INPP4B: variants seen among roughly 807,000 people sequenced by gnomAD.
INPP4B encodes inositol polyphosphate-4-phosphatase type II B.
Under a neutral mutation model 122.5 loss-of-function variants are expected in INPP4B, and 55 were observed. The observed-to-expected ratio is 0.45, with a 90% CI of 0.36 to 0.56. The LOEUF is 0.56. Ranked by LOEUF, INPP4B falls within the 20% of genes least tolerant of loss-of-function variation. The pLI, the probability that INPP4B is intolerant of heterozygous loss-of-function variation, is 0.00. For missense variants in INPP4B, 1,000 were observed against 1,097.7 expected (o/e 0.91, Z 1.26); for synonymous variants, 403 against 388.7 (o/e 1.04, Z -0.43).
intron 21 of INPP4B, among the ~76,000 whole-genome samples, chr4:142,115,894 A>G (rs1473207242): frequency 1.3e-5 from 2 of 152,128 alleles, no homozygotes. Flanking sequence ...AAGACCCATC[A>G]GTGTGCTGTA....
intron 25 of INPP4B, among the ~76,000 whole-genome samples, chr4:142,041,697 T>G (rs1271935505): frequency 6.6e-6 from 1 of 152,176 alleles, no homozygotes; most frequent in African/African-American, 2.4e-5. Context: ...ACATAGACAG[T>G]GAGTACCTTG....
chr4:142,220,516 A>C (rs1045730750), intron 12 of INPP4B, among the ~76,000 whole-genome samples: 4 of 152,214 alleles, frequency 2.6e-5, no homozygotes, highest in African/African-American at 9.6e-5. Context: ...ATTCATTGAA[A>C]TAGGCACAAT....
chr4:142,172,612 A>T (rs1826142084), intron 16 of INPP4B, among the ~76,000 whole-genome samples: 1 of 151,828 alleles, frequency 6.6e-6, no homozygotes, highest in Non-Finnish European at 1.5e-5. Flanking sequence ...TTTTTCATGA[A>T]AATAGGTATG....
rs1479835700 is a variant in INPP4B at position 142,331,238 on chromosome 4, T to C, written c.373-16476A>G. ...CAAGCAATTTCTGTGGCGTAAACACTCCCACCTGGCCCATTTCCAGCTACT... is the reference window on the plus strand; with the variant it reads ...CAAGCAATTTCTGTGGCGTAAACACCCCCACCTGGCCCATTTCCAGCTACT... On this transcript the variant is annotated intron_variant, in intron 7 of 25. Transcript: ENST00000262992. 2.0e-5 allele frequency among the ~76,000 whole-genome samples: 3 copies of C among 152,232 alleles called. No individual in the cohort carries two copies. The South Asian group carries it at 6.2e-4, about 32-fold the overall frequency.
chr4:142,228,570 A>C (rs1852660885), intron 12 of INPP4B, among the ~76,000 whole-genome samples: 1 of 152,080 alleles, frequency 6.6e-6, no homozygotes. Context: ...ATGAAAATGC[A>C]CTAAATGACA....
At chr4:142,283,704 A>C (rs1451211230) in intron 9 of INPP4B, among the ~76,000 whole-genome samples, 1 of 152,272 alleles carries the variant, frequency 6.6e-6, no homozygotes, top group Non-Finnish European at 1.5e-5. Context: ...ATCTTATGGA[A>C]CCACCATTGG....
chr4:142,179,853 C>T (rs4956318), intron 15 of INPP4B, among the ~76,000 whole-genome samples: 15,161 of 152,082 alleles, frequency 0.1, 1,110 homozygotes, highest in African/African-American at 0.2. Flanking sequence ...GCTTTGATTT[C>T]GTTTGCCACC....
At chr4:142,789,754 A>G (rs992449688) in intron 1 of INPP4B, among the ~76,000 whole-genome samples, 3 of 152,108 alleles carry the variant, frequency 2.0e-5, no homozygotes, top group African/African-American at 7.2e-5. Context: ...ATTCACATGG[A>G]ACCAAAAAAG....
At chr4:142,210,862 A>T (rs1228595703) in intron 12 of INPP4B, among the ~76,000 whole-genome samples, 1 of 152,208 alleles carries the variant, frequency 6.6e-6, no homozygotes, top group African/African-American at 2.4e-5. Flanking sequence ...CCCTGACCAC[A>T]TTCTGGGATA....
At chr4:142,286,810 A>C (rs1753911514) in intron 9 of INPP4B, 1 of 152,214 alleles carries the variant, frequency 6.6e-6, no homozygotes, top group Non-Finnish European at 1.5e-5. Flanking sequence ...CAAAATATAA[A>C]GTGGTGGTCA....
At chr4:142,627,792 T>A (rs1470737378) in intron 2 of INPP4B, among the ~76,000 whole-genome samples, 4 of 152,188 alleles carry the variant, frequency 2.6e-5, no homozygotes, top group Non-Finnish European at 4.4e-5. Flanking sequence ...GGATTCCCTC[T>A]TTTTCTATTG....
At chr4:142,376,083 G>T in intron 7 of INPP4B, among the ~76,000 whole-genome samples, 1 of 151,966 alleles carries the variant, frequency 6.6e-6, no homozygotes, top group Non-Finnish European at 1.5e-5. Flanking sequence ...CTGTGCATAT[G>T]TCATTTCTTT....
chr4:142,593,530 T>C (rs1738000490), intron 2 of INPP4B, among the ~76,000 whole-genome samples: 1 of 152,092 alleles, frequency 6.6e-6, no homozygotes, highest in Non-Finnish European at 1.5e-5. Flanking sequence ...TAAATTTCAA[T>C]CCTGTATCAG....
chr4:142,506,895 A>C (rs543833414), intron 2 of INPP4B, among the ~76,000 whole-genome samples: 1 of 152,358 alleles, frequency 6.6e-6, no homozygotes, highest in Admixed American at 6.5e-5. Flanking sequence ...GGGAGATCCA[A>C]CAAAGCCTGT....
intron 9 of INPP4B, among the ~76,000 whole-genome samples, chr4:142,290,195 C>CTTTTTTTTTTTTTTTTTTTT (rs35260066): frequency 2.6e-5 from 2 of 77,482 alleles, no homozygotes; most frequent in African/African-American, 6.6e-5. Context: ...TTCTTTCTTC[C>CTTTTTTTTTTTTTTTTTTTT]TTTTTTTTTT....
At chr4:142,437,195 G>C (rs1455337480) in intron 3 of INPP4B, among the ~76,000 whole-genome samples, 1 of 151,844 alleles carries the variant, frequency 6.6e-6, no homozygotes, top group African/African-American at 2.4e-5. Context: ...AATAAGGTAG[G>C]CAGACAAGAC....
intron 5 of INPP4B, among the ~76,000 whole-genome samples, chr4:142,426,264 C>G (rs1346386198): frequency 6.6e-6 from 1 of 151,866 alleles, no homozygotes; most frequent in Non-Finnish European, 1.5e-5. Context: ...AGATTAGTCT[C>G]CTTTATACAT....
intron 2 of INPP4B, among the ~76,000 whole-genome samples, chr4:142,547,283 C>T (rs1267214674): frequency 6.6e-6 from 1 of 152,052 alleles, no homozygotes; most frequent in Non-Finnish European, 1.5e-5. Context: ...TCTAAGTATG[C>T]TACTGAGATT....
chr4:142,147,357 G>A (rs1378779828), intron 17 of INPP4B, among the ~76,000 whole-genome samples: 1 of 152,202 alleles, frequency 6.6e-6, no homozygotes, highest in Non-Finnish European at 1.5e-5. Context: ...TTTAGATTAT[G>A]TGATGGCTAT....
Sources: gnomAD v4.1 joint callset for allele counts (sites outside exome capture counted in the v4.1 genomes callset) on GRCh38, gnomAD v4.1.1 for gene constraint, MANE v1.5 for transcripts, NCBI Gene and HGNC (gene_info 2026-07-23, HGNC 2026-07-21) for gene names.